The following INSL6 variants were observed in gnomAD, a reference collection of about 807,000 sequenced individuals.
INSL6 encodes insulin-like peptide INSL6.
A neutral mutation model predicts 9.4 loss-of-function variants in INSL6; 16 were observed. The ratio of observed to expected loss-of-function variants is 1.70; its 90% CI spans 1.15 to 2.59. The LOEUF is 2.59. Ranked by LOEUF, INSL6 falls within the 30% of genes most tolerant of loss-of-function variation. INSL6 has a pLI of 0.00. For missense variants in INSL6, 391 were observed against 257.3 expected (o/e 1.52, Z -3.56); for synonymous variants, 154 against 96.9 (o/e 1.59, Z -3.46).
chr9:5,022,666 C>A, the INSL6 span, among the ~76,000 whole-genome samples: 1 of 152,152 alleles, frequency 6.6e-6, no homozygotes, highest in African/African-American at 2.4e-5. Flanking sequence ...ATATATATTT[C>A]TTATGTCTTT....
chr9:5,062,548 AGCAATAAAGG>A, the INSL6 span, among the ~76,000 whole-genome samples: 1 of 145,200 alleles, frequency 6.9e-6, no homozygotes, highest in Non-Finnish European at 1.5e-5. Flanking sequence ...ATCTGCAAGG[AGCAATAAAGG>A]GAAGTGCAGT....
intron 2 of INSL6, among the ~76,000 whole-genome samples, chr9:5,150,292 A>C (rs753316905): frequency 3.9e-5 from 6 of 152,164 alleles, no homozygotes; most frequent in African/African-American, 7.2e-5. Flanking sequence ...CAAAAGAAAT[A>C]ATCAACAAAC....
At chr9:5,034,758 T>A in the INSL6 span, among the ~76,000 whole-genome samples, 32 of 152,110 alleles carry the variant, frequency 2.1e-4, no homozygotes, top group African/African-American at 7.7e-4. Flanking sequence ...GGGAAATTTA[T>A]AGCACTAAAG....
intron 2 of INSL6, among the ~76,000 whole-genome samples, chr9:5,139,513 T>C (rs1824448920): frequency 6.6e-6 from 1 of 152,182 alleles, no homozygotes; most frequent in Non-Finnish European, 1.5e-5. Flanking sequence ...AGAAGTGTTA[T>C]TTAAATTAGA....
chr9:5,177,886 T>C (rs1267631224), intron 1 of INSL6, among the ~76,000 whole-genome samples: 1 of 152,122 alleles, frequency 6.6e-6, no homozygotes, highest in African/African-American at 2.4e-5. Context: ...TTCTTCTTTT[T>C]CTTTTTTGAG....
the INSL6 span, chr9:5,054,839 G>A: frequency 1.9e-6 from 3 of 1,611,210 alleles, no homozygotes; most frequent in South Asian, 1.1e-5. The surrounding 1 kb of genome is among the most constrained non-coding windows in gnomAD (Gnocchi z 4.9). Flanking sequence ...GTGGAATTCA[G>A]TGGTCAAGAG....
intron 3 of INSL6, among the ~76,000 whole-genome samples, chr9:5,131,563 G>A (rs905850984): frequency 6.7e-6 from 1 of 150,252 alleles, no homozygotes; most frequent in Non-Finnish European, 1.5e-5. Context: ...TCAGTCTCCC[G>A]AGTAGCTGGG....
intron 2 of INSL6, among the ~76,000 whole-genome samples, chr9:5,154,001 G>C (rs527693066): frequency 1.6e-4 from 24 of 152,270 alleles, no homozygotes; most frequent in African/African-American, 4.8e-4. Context: ...CCAAAAAAGA[G>C]CCTGCATAGC....
At chr9:5,009,194 C>T in the INSL6 span, among the ~76,000 whole-genome samples, 2 of 152,182 alleles carry the variant, frequency 1.3e-5, no homozygotes, top group Non-Finnish European at 2.9e-5. Flanking sequence ...GTCCGAGGCT[C>T]AGACATCAGC....
intron 3 of INSL6, chr9:5,126,630 T>C: frequency 7.8e-7 from 1 of 1,277,002 alleles, no homozygotes; most frequent in Non-Finnish European, 1.1e-6. Flanking sequence ...CTTCCACCAA[T>C]TAAAAGATGG....
the INSL6 span, among the ~76,000 whole-genome samples, chr9:5,103,181 A>T: frequency 6.8e-6 from 1 of 145,986 alleles, no homozygotes; most frequent in African/African-American, 2.6e-5. Flanking sequence ...ATGGGCTCAA[A>T]ATAAAGGGAT....
At chr9:5,150,887 G>A (rs991761212) in intron 2 of INSL6, among the ~76,000 whole-genome samples, 4 of 147,672 alleles carry the variant, frequency 2.7e-5, no homozygotes, top group Non-Finnish European at 5.9e-5. Context: ...ACACATCATG[G>A]AATACTACCC....
chr9:5,067,724 T>G, the INSL6 span, among the ~76,000 whole-genome samples: 1 of 152,144 alleles, frequency 6.6e-6, no homozygotes, highest in Non-Finnish European at 1.5e-5. Context: ...TTATAGAGTT[T>G]ATGCTACAGC....
intron 1 of INSL6, among the ~76,000 whole-genome samples, chr9:5,181,171 G>C (rs563757461): frequency 6.6e-5 from 10 of 152,048 alleles, no homozygotes; most frequent in African/African-American, 2.4e-4. Context: ...TTTTAAAAAA[G>C]AAATTCAATA....
At chr9:4,997,988 A>G in the INSL6 span, among the ~76,000 whole-genome samples, 3 of 152,266 alleles carry the variant, frequency 2.0e-5, no homozygotes, top group African/African-American at 4.8e-5. Context: ...TGAAATATTC[A>G]GTGTTCTTCT....
chr9:5,099,899 C>T, the INSL6 span: 2 of 152,214 alleles, frequency 1.3e-5, no homozygotes, highest in East Asian at 1.9e-4. Flanking sequence ...GCAGTAATTA[C>T]AGTCTTCTGC....
At chr9:5,078,435 C>A in the INSL6 span, 1 of 1,611,802 alleles carries the variant, frequency 6.2e-7, no homozygotes, top group Non-Finnish European at 8.5e-7. Context: ...TACAGTTTTG[C>A]CAAAGGACAG....
the INSL6 span, among the ~76,000 whole-genome samples, chr9:4,998,808 C>A: frequency 6.6e-6 from 1 of 151,556 alleles, no homozygotes; most frequent in South Asian, 2.1e-4. Flanking sequence ...TTTATATTTT[C>A]TTCTCTTCAT....
the INSL6 span, among the ~76,000 whole-genome samples, chr9:5,028,278 G>A: frequency 6.6e-6 from 1 of 152,196 alleles, no homozygotes; most frequent in Non-Finnish European, 1.5e-5. Flanking sequence ...CATTGTCAAT[G>A]AGTAATAATA....
Sources: allele counts gnomAD v4.1 joint callset (sites outside exome capture counted in the v4.1 genomes callset), GRCh38; gene constraint gnomAD v4.1.1; non-coding constraint Gnocchi (gnomAD v3.1); transcripts MANE v1.5; gene names NCBI Gene and HGNC (gene_info 2026-07-23, HGNC 2026-07-21).